ZFPM1: variants seen among roughly 807,000 people sequenced by gnomAD.
ZFPM1 encodes zinc finger protein, FOG family member 1, also known as zinc finger protein ZFPM1.
A neutral mutation model predicts 46.3 loss-of-function variants in ZFPM1; 28 were observed. The ratio of observed to expected loss-of-function variants is 0.60; its 90% CI spans 0.45 to 0.83. The LOEUF (loss-of-function observed/expected upper bound fraction) is 0.83. ZFPM1 is among the 40% of genes least tolerant of loss of function. ZFPM1 has a pLI of 0.00. For missense variants in ZFPM1, 1,878 were observed against 1,432.4 expected (o/e 1.31, Z -5.02); for synonymous variants, 957 against 675.9 (o/e 1.42, Z -6.45).
chr16:88,454,720 C>G (rs1003382433), intron 1 of ZFPM1, among the ~76,000 whole-genome samples: 7 of 152,254 alleles, frequency 4.6e-5, no homozygotes, highest in African/African-American at 1.4e-4. Context: ...CCAATAATAA[C>G]TTTGCGCCTC....
At chr16:88,526,712 C>T (rs536357157) in intron 4 of ZFPM1, 102 bp from the exon 5 acceptor site, 79 of 1,286,200 alleles carry the variant, frequency 6.1e-5, no homozygotes, top group Non-Finnish European at 8.0e-5. Flanking sequence ...CCAGCCAAGC[C>T]GGGAGGCAGA....
intron 1 of ZFPM1, among the ~76,000 whole-genome samples, chr16:88,473,773 C>T (rs1316367124): frequency 2.0e-5 from 3 of 152,298 alleles, no homozygotes; most frequent in African/African-American, 2.4e-5. Flanking sequence ...CAGCCGCGTG[C>T]GTGGCCTCAG....
At chr16:88,476,902 G>A (rs1003372952) in intron 1 of ZFPM1, among the ~76,000 whole-genome samples, 2 of 152,228 alleles carry the variant, frequency 1.3e-5, no homozygotes, top group Non-Finnish European at 2.9e-5. Context: ...CTTCTGGCCC[G>A]GGACCGCTTT....
At chr16:88,495,775 C>G (rs60504609) in intron 3 of ZFPM1, among the ~76,000 whole-genome samples, 3,754 of 152,236 alleles carry the variant, frequency 0.025, 162 homozygotes, top group African/African-American at 0.086. Context: ...CAGGAGCCCA[C>G]TTGGGGGCCA....
chr16:88,489,322 A>G, intron 3 of ZFPM1, 169 bp downstream of exon 3: 4 of 1,122,366 alleles, frequency 3.6e-6, no homozygotes, highest in Non-Finnish European at 4.9e-6. Flanking sequence ...AGCTGGTGGT[A>G]TCACTGGAGC....
intron 1 of ZFPM1, among the ~76,000 whole-genome samples, chr16:88,479,927 G>A (rs1186829630): frequency 7.0e-6 from 1 of 143,652 alleles, no homozygotes; most frequent in African/African-American, 2.5e-5. Context: ...CCCCGCCGAA[G>A]GAGGAAGATG....
intron 2 of ZFPM1, among the ~76,000 whole-genome samples, chr16:88,488,238 C>T (rs887028923): frequency 9.9e-5 from 15 of 151,876 alleles, no homozygotes; most frequent in African/African-American, 3.1e-4. Flanking sequence ...TGACCCGGGC[C>T]GGCTTCCCGG....
At chr16:88,527,036 A>T in intron 5 of ZFPM1, 120 bp downstream of exon 5, 5 of 1,432,642 alleles carry the variant, frequency 3.5e-6, no homozygotes, top group Non-Finnish European at 4.6e-6. Flanking sequence ...GGGCACAGGG[A>T]GCTGCTGGCC....
chr16:88,503,091 G>T lies in ZFPM1; in HGVS notation c.269-11296G>T, dbSNP rs1259223941. On this transcript the variant is annotated intron_variant, in intron 3 of 9. Transcript: ENST00000319555. ...GGGTGGATGAGCACGGCGCCCCTGG[G>T]ACAGGAACCCCCACTGTAGCACAGT... Among the ~76,000 whole-genome samples, 4 of 152,246 alleles carry T rather than the reference G, an allele frequency of 2.6e-5. No homozygotes were observed. The East Asian group carries it at 7.7e-4, about 29-fold the overall frequency.
Position 88,514,772 on chromosome 16 carries a change from A to T in ZFPM1, c.402+252A>T, listed in dbSNP as rs375329909. Among the ~76,000 whole-genome samples the T allele has an allele frequency of 6.6e-5, 10 of 152,294 alleles. No homozygotes were observed. In the East Asian group the frequency reaches 1.9e-3, roughly 29 times the overall value. Reference sequence around the variant, plus strand: ...CTGGAGGAGGGGTTCTTTAAGCAGGACCTTGACAGATGACTGGGCATTGAA... The same window carrying T: ...CTGGAGGAGGGGTTCTTTAAGCAGGTCCTTGACAGATGACTGGGCATTGAA... On this transcript the variant is annotated intron_variant, in intron 4 of 9. Coordinates refer to ENST00000319555, the MANE Select transcript of ZFPM1 (RefSeq NM_153813.3).
chr16:88,493,663 G>T (rs933345016), intron 3 of ZFPM1, among the ~76,000 whole-genome samples: 4 of 128,842 alleles, frequency 3.1e-5, no homozygotes, highest in African/African-American at 5.5e-5. Context: ...CGGGGTGCGG[G>T]GAGCTGTCCC....
chr16:88,476,249 C>T (rs964401573), intron 1 of ZFPM1, among the ~76,000 whole-genome samples: 2 of 152,160 alleles, frequency 1.3e-5, no homozygotes, highest in Non-Finnish European at 2.9e-5. Context: ...AGCCTCCCTG[C>T]TGGGGGAGCC....
chr16:88,511,070 T>G (rs1284840837), intron 3 of ZFPM1, among the ~76,000 whole-genome samples: 4 of 152,018 alleles, frequency 2.6e-5, no homozygotes, highest in Non-Finnish European at 4.4e-5. Context: ...ACCCAGTTGT[T>G]CTGGAGCTGG....
In ZFPM1 at chr16:88,534,359, C is replaced by T. The variant is rs757313926; in HGVS notation, c.2401C>T (p.Pro801Ser). The T allele has an allele frequency of 1.4e-6, 2 of 1,424,582 alleles. No homozygotes were observed. Among genetic ancestry groups the T allele is most frequent in the Non-Finnish European group, 1.8e-6 (2 of 1,092,932 alleles). The allele number at this position is 1,424,582 out of a possible 1,614,324, so 88.2% of individuals were successfully genotyped here. ...CGGCCCCATCGACCTGAGCAAGAAG[C>T]CGCGGCGCCCGCTCCCCGGAGCCCC... ...ADGPIDLSKK[P>S]RRPLPGAPAP... Residue 801 changes from proline (P) to serine (S), a missense_variant, in exon 10 of 10, where the codon CCG becomes TCG. Physicochemically the swap from Pro to Ser is moderately conservative, Grantham distance 74. Transcript: ENST00000319555.
intron 3 of ZFPM1, among the ~76,000 whole-genome samples, chr16:88,494,465 G>C (rs577989221): frequency 6.6e-6 from 1 of 152,126 alleles, no homozygotes; most frequent in Non-Finnish European, 1.5e-5. Flanking sequence ...GAGAGGCCGC[G>C]GGCAGAGCCT....
intron 4 of ZFPM1, among the ~76,000 whole-genome samples, chr16:88,515,408 G>A (rs1051539629): frequency 6.6e-6 from 1 of 152,250 alleles, no homozygotes; most frequent in Non-Finnish European, 1.5e-5. Context: ...GCAGGCCCCT[G>A]CCCACTGTGA....
Position 88,532,032 on chromosome 16 carries a change from T to G in ZFPM1, c.743T>G (p.Ile248Ser). 6.2e-7 allele frequency: 1 copy of G among 1,610,346 alleles called. No individual in the cohort carries two copies. Among genetic ancestry groups the G allele is most frequent in the Non-Finnish European group, 8.5e-7 (1 of 1,178,154 alleles). The change falls in exon 7 of 10, where the codon ATC becomes AGC. Residue 248 changes from isoleucine (I) to serine (S), a missense_variant. Transcript: ENST00000319555. ...KDVFPCKDCG[I>S]WYRSERNLQA... ...GTCTTCCCCTGCAAGGACTGTGGCATCTGGTACCGCAGCGAGCGCAACCTG... is the reference window on the plus strand; with the variant it reads ...GTCTTCCCCTGCAAGGACTGTGGCAGCTGGTACCGCAGCGAGCGCAACCTG...
chr16:88,532,449 G>A (rs78261743), intron 7 of ZFPM1, among the ~76,000 whole-genome samples, 165 bp from the exon 8 acceptor site: 2,893 of 152,138 alleles, frequency 0.019, 89 homozygotes, highest in African/African-American at 0.067. Flanking sequence ...GCCCACTGCT[G>A]TCCCGAGAGA....
intron 1 of ZFPM1, among the ~76,000 whole-genome samples, chr16:88,454,471 G>T (rs114159011): frequency 0.01 from 1,533 of 152,300 alleles, 24 homozygotes; most frequent in African/African-American, 0.035. Context: ...CATCCCAATG[G>T]GCTGCTCTGA....
Sources: allele counts gnomAD v4.1 joint callset (sites outside exome capture counted in the v4.1 genomes callset), GRCh38; gene constraint gnomAD v4.1.1; transcripts MANE v1.5; gene names NCBI Gene and HGNC (gene_info 2026-07-23, HGNC 2026-07-21).